Variants in CDH13 observed in about 807,000 individuals in gnomAD.
CDH13 encodes cadherin 13.
CDH13 carries 24 observed loss-of-function variants against 63.8 expected under a neutral mutation model. The ratio of observed to expected loss-of-function variants is 0.38; its 90% CI spans 0.27 to 0.53. The LOEUF (loss-of-function observed/expected upper bound fraction) is 0.53, where lower values mean the gene tolerates loss of function less well. Among genes scored for constraint, CDH13 ranks in the 20% least tolerant of loss-of-function variants. The pLI is 0.85. For missense variants in CDH13, 1,049 were observed against 903.1 expected, an observed-to-expected ratio of 1.16 and a Z score of -2.07; for synonymous variants, 503 against 355.3, an observed-to-expected ratio of 1.42 and a Z score of -4.67.
At chr16:82,905,347 A>G (rs377322503) in intron 2 of CDH13, among the ~76,000 whole-genome samples, 12 of 152,208 alleles carry the variant, frequency 7.9e-5, no homozygotes, top group African/African-American at 2.9e-4. Flanking sequence ...TGAACTAATT[A>G]TATATCTGAT....
At chr16:83,231,878 A>G (rs1269493692) in intron 5 of CDH13, among the ~76,000 whole-genome samples, 1 of 152,162 alleles carries the variant, frequency 6.6e-6, no homozygotes, top group Non-Finnish European at 1.5e-5. Context: ...CCCCTCCTGA[A>G]TGGTTCAGTG....
At chr16:83,747,404 A>G (rs369209588) in intron 10 of CDH13, among the ~76,000 whole-genome samples, 5 of 152,178 alleles carry the variant, frequency 3.3e-5, no homozygotes, top group East Asian at 1.9e-4. Context: ...CTCGTCTGCC[A>G]CCACGTAAGA....
intron 1 of CDH13, among the ~76,000 whole-genome samples, chr16:82,664,590 G>T (rs1010978717): frequency 6.6e-6 from 1 of 152,110 alleles, no homozygotes. Context: ...TTGATGACTG[G>T]GAGAAAGGAC....
chr16:83,454,426 C>G (rs1354361097), intron 6 of CDH13, among the ~76,000 whole-genome samples: 1 of 152,174 alleles, frequency 6.6e-6, no homozygotes, highest in Non-Finnish European at 1.5e-5. Context: ...TAATTATTCC[C>G]CTCTGACTTT....
intron 5 of CDH13, among the ~76,000 whole-genome samples, chr16:83,237,741 C>T (rs1012202356): frequency 2.0e-5 from 3 of 152,060 alleles, no homozygotes; most frequent in Non-Finnish European, 4.4e-5. Flanking sequence ...ACTTTAGTTC[C>T]TCATTTGTAG....
intron 3 of CDH13, among the ~76,000 whole-genome samples, chr16:83,119,624 G>T (rs76814175): frequency 1.4e-3 from 213 of 152,212 alleles, no homozygotes; most frequent in Non-Finnish European, 2.0e-3. Context: ...CCATTTTTGT[G>T]TTGTCCTTCT....
At chr16:83,720,145 T>A (rs1017098722) in intron 10 of CDH13, among the ~76,000 whole-genome samples, 52 of 152,022 alleles carry the variant, frequency 3.4e-4, no homozygotes, top group African/African-American at 1.3e-3. Context: ...GTCATCTGAG[T>A]GCCAGCTCTG....
intron 1 of CDH13, chr16:82,689,010 T>C (rs559678007): frequency 6.6e-6 from 1 of 152,320 alleles, no homozygotes; most frequent in Non-Finnish European, 1.5e-5. Context: ...CTTGCCATAA[T>C]GGTATGCCTC....
intron 6 of CDH13, among the ~76,000 whole-genome samples, chr16:83,377,776 A>G (rs1306823040): frequency 1.3e-5 from 2 of 152,186 alleles, no homozygotes; most frequent in Non-Finnish European, 2.9e-5. Flanking sequence ...AGATCAGAGC[A>G]AAGACAAAGG....
chr16:83,087,727 G>C (rs12932330), intron 3 of CDH13, among the ~76,000 whole-genome samples: 49,993 of 144,156 alleles, frequency 0.35, 9,083 homozygotes, highest in Middle Eastern at 0.57. Flanking sequence ...GCAAGTTCCT[G>C]TTATTTATTA....
At chr16:83,019,534 C>T (rs1386140088) in intron 2 of CDH13, among the ~76,000 whole-genome samples, 1 of 144,700 alleles carries the variant, frequency 6.9e-6, no homozygotes, top group African/African-American at 2.6e-5. Flanking sequence ...CTCGCTCTGT[C>T]ACCCAGGCTA....
intron 3 of CDH13, among the ~76,000 whole-genome samples, chr16:83,107,551 G>C (rs1192623781): frequency 2.0e-5 from 3 of 152,112 alleles, no homozygotes; most frequent in Non-Finnish European, 4.4e-5. Flanking sequence ...TTTGCATTTA[G>C]GAGGGTTTCA....
rs746691777 is a variant in CDH13 at position 83,378,991 on chromosome 16, C to CTA, written c.781+34000_781+34001dup. On this transcript the variant is annotated intron_variant, in intron 6 of 13. Transcript: ENST00000567109. The stretch of plus-strand genomic sequence containing the variant: ...TTAGAAATTGTATATACACATGCAT[C>CTA]TATATATATATATATACACACACAC... Among the ~76,000 whole-genome samples, 435 of 146,286 alleles carry CTA rather than the reference C, an allele frequency of 3.0e-3. 5 individuals are homozygous for CTA. The highest frequency in any genetic ancestry group is 0.013 in the South Asian group (59 of 4,602).
At chr16:83,308,490 C>T (rs1476484036) in intron 5 of CDH13, among the ~76,000 whole-genome samples, 1 of 152,314 alleles carries the variant, frequency 6.6e-6, no homozygotes, top group South Asian at 2.1e-4. Flanking sequence ...ATTTACTCTC[C>T]ACACAAAGGG....
At chr16:83,537,857 A>G (rs2075224089) in intron 7 of CDH13, among the ~76,000 whole-genome samples, 2 of 152,178 alleles carry the variant, frequency 1.3e-5, no homozygotes, top group Non-Finnish European at 2.9e-5. Flanking sequence ...CATATTTCTA[A>G]AAGAATATTA....
chr16:82,838,135 C>T (rs2038849107), intron 1 of CDH13, among the ~76,000 whole-genome samples: 1 of 152,222 alleles, frequency 6.6e-6, no homozygotes, highest in Non-Finnish European at 1.5e-5. Context: ...AGCTCTTCCC[C>T]TGAGTTCTCC....
intron 2 of CDH13, among the ~76,000 whole-genome samples, chr16:82,998,937 C>G (rs749578001): frequency 4.8e-5 from 7 of 145,914 alleles, no homozygotes; most frequent in Non-Finnish European, 8.9e-5. Flanking sequence ...GTTAAAGAAG[C>G]TTTCATTCTC....
At chr16:83,782,754 A>T (rs1245010273) in intron 12 of CDH13, among the ~76,000 whole-genome samples, 1 of 146,834 alleles carries the variant, frequency 6.8e-6, no homozygotes, top group African/African-American at 2.5e-5. Context: ...AAAAAAAAAA[A>T]CTAAAGACAA....
At chr16:82,696,395 C>G (rs2030294865) in intron 1 of CDH13, among the ~76,000 whole-genome samples, 1 of 152,064 alleles carries the variant, frequency 6.6e-6, no homozygotes, top group Admixed American at 6.5e-5. Flanking sequence ...TAATTGTATT[C>G]AAAAGTAAAA....
Sources: allele counts gnomAD v4.1 joint callset (sites outside exome capture counted in the v4.1 genomes callset), GRCh38; gene constraint gnomAD v4.1.1; transcripts MANE v1.5; gene names NCBI Gene and HGNC (gene_info 2026-07-23, HGNC 2026-07-21).